The following PRKCH variants were observed in gnomAD, a reference collection of about 807,000 sequenced individuals.
PRKCH encodes the protein protein kinase C eta.
In PRKCH, 28 loss-of-function variants were observed where a neutral mutation model predicts 82.5. The observed-to-expected ratio is 0.34, with a 90% CI of 0.25 to 0.47. The LOEUF (loss-of-function observed/expected upper bound fraction) is 0.47, where lower values mean the gene tolerates loss of function less well. Among genes scored for constraint, PRKCH ranks in the 20% least tolerant of loss-of-function variants. PRKCH has a pLI of 1.00. For missense variants in PRKCH, 705 were observed against 881.8 expected, an observed-to-expected ratio of 0.80 and a Z score of 2.54; for synonymous variants, 322 against 327.4, an observed-to-expected ratio of 0.98 and a Z score of 0.18.
chr14:61,228,007 C>T (rs2044711165), intron 1 of PRKCH, among the ~76,000 whole-genome samples: 2 of 152,134 alleles, frequency 1.3e-5, no homozygotes. Flanking sequence ...CAGTAATAAA[C>T]AAAGGGATTG....
chr14:61,323,595 T>A (rs2045659176), intron 1 of PRKCH, among the ~76,000 whole-genome samples: 1 of 152,216 alleles, frequency 6.6e-6, no homozygotes, highest in African/African-American at 2.4e-5. Context: ...ATTTTATACT[T>A]TGTGGAATTA....
At chr14:61,438,891 A>T (rs1883808159) in intron 2 of PRKCH, among the ~76,000 whole-genome samples, 1 of 152,158 alleles carries the variant, frequency 6.6e-6, no homozygotes. Flanking sequence ...TGACATAATT[A>T]CTCTGCACCC....
At chr14:61,289,124 T>TA (rs531434291) in intron 1 of PRKCH, among the ~76,000 whole-genome samples, 60 of 152,322 alleles carry the variant, frequency 3.9e-4, no homozygotes, top group South Asian at 1.5e-3. Context: ...TTGCAGGTGA[T>TA]ACAGGCATGA....
intron 11 of PRKCH, among the ~76,000 whole-genome samples, chr14:61,530,201 G>A (rs890884753): frequency 1.3e-5 from 2 of 152,054 alleles, no homozygotes; most frequent in Non-Finnish European, 2.9e-5. Flanking sequence ...ATAAATATTT[G>A]CTCACCTAGA....
chr14:61,331,312 CT>C (rs1181481360), intron 1 of PRKCH, among the ~76,000 whole-genome samples: 5 of 152,072 alleles, frequency 3.3e-5, no homozygotes, highest in African/African-American at 1.2e-4. Context: ...GGGGAGTTAA[CT>C]TTTACTGCAA....
intron 10 of PRKCH, among the ~76,000 whole-genome samples, chr14:61,518,376 C>T (rs757893084): frequency 1.1e-4 from 16 of 151,200 alleles, no homozygotes; most frequent in South Asian, 4.2e-4. Context: ...AAATTTGCAC[C>T]GCTTCAGCCA....
chr14:61,388,618 A>T (rs531476866), intron 1 of PRKCH, among the ~76,000 whole-genome samples: 5 of 152,254 alleles, frequency 3.3e-5, no homozygotes, highest in Non-Finnish European at 5.9e-5. Flanking sequence ...GCAGGCCTTT[A>T]TATTGAAGAT....
intron 12 of PRKCH, chr14:61,543,414 G>T (rs563635390): frequency 6.6e-6 from 1 of 152,310 alleles, no homozygotes; most frequent in East Asian, 1.9e-4. Flanking sequence ...CTGAGTTCTT[G>T]ACCCTTCTCT....
Position 61,322,098 on chromosome 14 carries a change from C to T in PRKCH, c.-4C>T, listed in dbSNP as rs45582331. On this transcript the variant is annotated 5_prime_UTR_variant, in exon 1 of 14. Coordinates refer to ENST00000332981, the MANE Select transcript of PRKCH (RefSeq NM_006255.5). Reference sequence around the variant, plus strand: ...CCCCCCGGGGCCGGGGCAGCGGCGCCGGCATGTCGTCTGGCACCATGAAGT... The same window carrying T: ...CCCCCCGGGGCCGGGGCAGCGGCGCTGGCATGTCGTCTGGCACCATGAAGT... 51,823 of 1,540,776 alleles carry T rather than the reference C, an allele frequency of 0.034. 1,038 individuals carry two copies. The highest frequency in any genetic ancestry group is 0.039 in the Non-Finnish European group (44,283 of 1,137,846).
chr14:61,503,239 C>T (rs911445559), intron 10 of PRKCH, among the ~76,000 whole-genome samples: 6 of 151,494 alleles, frequency 4.0e-5, no homozygotes, highest in South Asian at 2.1e-4. Context: ...AGGTTCAAAC[C>T]CGTCAGAGGC....
At chr14:61,450,741 G>T (rs752938128) in intron 5 of PRKCH, 101 bp from the exon 6 acceptor site, 8 of 1,397,706 alleles carry the variant, frequency 5.7e-6, no homozygotes, top group Non-Finnish European at 7.9e-6. Context: ...TAGCTCAGGT[G>T]TCATAGTGAC....
chr14:61,299,040 C>G (rs1356594587), intron 1 of PRKCH, among the ~76,000 whole-genome samples: 3 of 152,176 alleles, frequency 2.0e-5, no homozygotes, highest in African/African-American at 4.8e-5. Flanking sequence ...TCACTTCTCC[C>G]TTGATTCTTC....
chr14:61,485,368 T>A (rs746437724), intron 9 of PRKCH, 134 bp from the exon 10 acceptor site: 1 of 1,162,242 alleles, frequency 8.6e-7, no homozygotes, highest in Non-Finnish European at 1.2e-6. Context: ...CCCTGACCCA[T>A]GGTCAGGATG....
chr14:61,275,955 G>A (rs150072377), intron 1 of PRKCH, among the ~76,000 whole-genome samples: 47 of 152,222 alleles, frequency 3.1e-4, no homozygotes, highest in South Asian at 6.2e-4. Flanking sequence ...AGGTGGCAAA[G>A]CAGTGGGGAC....
intron 1 of PRKCH, among the ~76,000 whole-genome samples, chr14:61,333,907 G>C (rs1465290885): frequency 1.3e-5 from 2 of 152,162 alleles, no homozygotes; most frequent in East Asian, 1.9e-4. Flanking sequence ...GGTGAGGCCT[G>C]CCTGATCCTC....
intron 2 of PRKCH, among the ~76,000 whole-genome samples, chr14:61,403,295 AT>A (rs965836987): frequency 3.0e-4 from 45 of 152,168 alleles, no homozygotes; most frequent in African/African-American, 1.1e-3. Flanking sequence ...TTTCTAGGTT[AT>A]TTTTTTCTTA....
Position 61,280,887 on chromosome 14 carries a change from C to G in PRKCH, c.-19+93219C>G. ...AGGCGCACGAGCAGGGGGGCGGCAG[C>G]GCCCGGCCCTGGCCAGCCGCGGCGC... On this transcript the variant is annotated intron_variant, in intron 1 of 3. Coordinates refer to the PRKCH transcript ENST00000555185. The surrounding 1 kb of genome is among the most constrained non-coding windows in gnomAD (Gnocchi z 5.0). 6.4e-7 allele frequency: 1 copy of G among 1,554,496 alleles called. No homozygotes were observed. The highest frequency in any genetic ancestry group is 8.6e-7 in the Non-Finnish European group (1 of 1,157,298).
At chr14:61,396,983 G>A (rs2046795557) in intron 2 of PRKCH, among the ~76,000 whole-genome samples, 1 of 152,216 alleles carries the variant, frequency 6.6e-6, no homozygotes, top group Non-Finnish European at 1.5e-5. Flanking sequence ...TAAGATACCA[G>A]TGAAGGGTTT....
At chr14:61,251,059 C>T (rs1380465374) in intron 1 of PRKCH, among the ~76,000 whole-genome samples, 1 of 151,932 alleles carries the variant, frequency 6.6e-6, no homozygotes, top group Non-Finnish European at 1.5e-5. Context: ...TTTGTGGGTA[C>T]ATAATAGGTG....
Sources: gnomAD v4.1 joint callset for allele counts (sites outside exome capture counted in the v4.1 genomes callset) on GRCh38, gnomAD v4.1.1 for gene constraint, Gnocchi (gnomAD v3.1) non-coding constraint, MANE v1.5 for transcripts, NCBI Gene and HGNC (gene_info 2026-07-23, HGNC 2026-07-21) for gene names.